Variants in ADORA1 observed in about 807,000 individuals in gnomAD.
ADORA1 encodes adenosine receptor A1.
In ADORA1, 6 loss-of-function variants were observed where a neutral mutation model predicts 19.9. That is an observed-to-expected ratio of 0.30 (90% confidence interval 0.17 to 0.59). ADORA1 has a LOEUF of 0.59. Among genes scored for constraint, ADORA1 ranks in the 20% least tolerant of loss-of-function variants. The pLI, the probability that ADORA1 is intolerant of heterozygous loss-of-function variation, is 0.87. For missense variants in ADORA1, 302 were observed against 439.2 expected, an observed-to-expected ratio of 0.69 and a Z score of 2.79; for synonymous variants, 194 against 188.4, an observed-to-expected ratio of 1.03 and a Z score of -0.24.
At chr1:203,151,765 C>A (rs1655041876) in intron 3 of ADORA1, among the ~76,000 whole-genome samples, 1 of 150,456 alleles carries the variant, frequency 6.6e-6, no homozygotes. Flanking sequence ...GATCTTACCC[C>A]ACAGCACACT....
At chr1:203,135,432 G>C (rs1204538968) in intron 3 of ADORA1, among the ~76,000 whole-genome samples, 1 of 152,156 alleles carries the variant, frequency 6.6e-6, no homozygotes, top group East Asian at 1.9e-4. Flanking sequence ...CCCGAGGCAG[G>C]CAGATCATTT....
chr1:203,152,064 C>T (rs1655055145), intron 3 of ADORA1, among the ~76,000 whole-genome samples: 1 of 152,144 alleles, frequency 6.6e-6, no homozygotes, highest in African/African-American at 2.4e-5. Flanking sequence ...TGACACATTC[C>T]AGAAGAAGGG....
At chr1:203,160,539 G>A (rs185489354) in intron 3 of ADORA1, among the ~76,000 whole-genome samples, 52 of 152,306 alleles carry the variant, frequency 3.4e-4, no homozygotes, top group South Asian at 6.2e-4. Context: ...AGGGCTGGGC[G>A]CAGTGGTGCA....
chr1:203,154,017 G>A (rs1024848292), intron 3 of ADORA1, among the ~76,000 whole-genome samples: 2 of 152,090 alleles, frequency 1.3e-5, no homozygotes, highest in Non-Finnish European at 2.9e-5. Flanking sequence ...TATCCAAACC[G>A]CAGGATGGTG....
chr1:203,156,435 G>T (rs1265823275), intron 3 of ADORA1, among the ~76,000 whole-genome samples: 1 of 152,164 alleles, frequency 6.6e-6, no homozygotes, highest in East Asian at 1.9e-4. Flanking sequence ...GAAGTGCAAA[G>T]CCCCTGAGGT....
chr1:203,164,524 G>T (rs16851020), intron 3 of ADORA1, among the ~76,000 whole-genome samples: 31,772 of 152,084 alleles, frequency 0.21, 4,345 homozygotes, highest in African/African-American at 0.39. Flanking sequence ...TTCCCAGTTA[G>T]CTTGGGAGTG....
intron 3 of ADORA1, among the ~76,000 whole-genome samples, chr1:203,136,019 C>G (rs1397155780): frequency 6.6e-6 from 1 of 152,180 alleles, no homozygotes; most frequent in Non-Finnish European, 1.5e-5. Context: ...GAAGCAGTGT[C>G]CCTGGGAGAG....
At chr1:203,146,301 C>T (rs1160023927) in intron 3 of ADORA1, among the ~76,000 whole-genome samples, 1 of 152,076 alleles carries the variant, frequency 6.6e-6, no homozygotes, top group Non-Finnish European at 1.5e-5. Context: ...TCGCCACTGT[C>T]TTCAGGGAGT....
In ADORA1 at chr1:203,157,224, G is replaced by A. The variant is rs60246406; in HGVS notation, c.342-8037G>A. Among the ~76,000 whole-genome samples the A allele has an allele frequency of 4.6e-5, 7 of 152,314 alleles. No homozygotes were observed. In the East Asian group the frequency reaches 1.3e-3, roughly 29 times the overall value. ...AAGGCAAATTTCCTTCTGGTTGTGA[G>A]CCTATGAAATCAAAACAAGTTACAT... On this transcript the variant is annotated intron_variant, in intron 3 of 3. Coordinates refer to ENST00000337894, the MANE Select transcript of ADORA1 (RefSeq NM_000674.3).
At chr1:203,143,694 T>C (rs867125861) in intron 3 of ADORA1, among the ~76,000 whole-genome samples, 2 of 152,230 alleles carry the variant, frequency 1.3e-5, no homozygotes, top group Non-Finnish European at 2.9e-5. Context: ...TCATTCTCCA[T>C]GGTCCAGACA....
intron 3 of ADORA1, among the ~76,000 whole-genome samples, chr1:203,156,423 AG>A (rs1183228934): frequency 6.6e-6 from 1 of 152,192 alleles, no homozygotes; most frequent in Non-Finnish European, 1.5e-5. Context: ...GGAAATGAAC[AG>A]GAAGTGCAAA....
intron 3 of ADORA1, among the ~76,000 whole-genome samples, chr1:203,133,711 T>A (rs1654416129): frequency 6.6e-6 from 1 of 152,244 alleles, no homozygotes; most frequent in Admixed American, 6.5e-5. Context: ...AGTGGGCAGT[T>A]GAGCCCTTGG....
Position 203,167,310 on chromosome 1 carries a change from C to G in ADORA1, c.*1410C>G, listed in dbSNP as rs1167978238. 6.6e-6 allele frequency: 1 copy of G among 152,254 alleles called. No individual in the cohort carries two copies. Among genetic ancestry groups the G allele is most frequent in the Non-Finnish European group, 1.5e-5 (1 of 68,100 alleles). 9.4% of individuals were successfully genotyped at this position (152,254 alleles called of 1,614,324 possible). ...ACCTTCTGAACATGAGTGTCAACTC[C>G]AGGACTTGCTTCCAAGCCCTTCCCT... On this transcript the variant is annotated 3_prime_UTR_variant, in exon 4 of 4. Transcript: ENST00000337894.
intron 3 of ADORA1, among the ~76,000 whole-genome samples, chr1:203,163,510 TTGG>T (rs949662136): frequency 9.9e-5 from 15 of 152,070 alleles, no homozygotes; most frequent in African/African-American, 3.4e-4. Context: ...TCAAGGCCCC[TTGG>T]TGGTGGTGGT....
At chr1:203,134,998 T>C (rs1346922196) in intron 3 of ADORA1, among the ~76,000 whole-genome samples, 1 of 152,222 alleles carries the variant, frequency 6.6e-6, no homozygotes, top group East Asian at 1.9e-4. Context: ...GGGCTCTCCT[T>C]AGGGGGGCCT....
intron 3 of ADORA1, among the ~76,000 whole-genome samples, chr1:203,153,850 G>A (rs897131539): frequency 6.6e-6 from 1 of 152,210 alleles, no homozygotes; most frequent in Non-Finnish European, 1.5e-5. Flanking sequence ...TAGTCTGAAA[G>A]CCTTACTTTC....
chr1:203,163,179 C>G (rs3766555), intron 3 of ADORA1, among the ~76,000 whole-genome samples: 21 of 152,164 alleles, frequency 1.4e-4, no homozygotes, highest in Middle Eastern at 6.8e-3. Context: ...CTGGAGTTTT[C>G]CAGGTGGCCA....
chr1:203,134,901 T>A (rs1430811526), intron 3 of ADORA1, among the ~76,000 whole-genome samples: 1 of 152,258 alleles, frequency 6.6e-6, no homozygotes, highest in Non-Finnish European at 1.5e-5. Flanking sequence ...CATTTCCCTG[T>A]GTCAACTAAA....
intron 3 of ADORA1, among the ~76,000 whole-genome samples, chr1:203,145,797 G>A (rs1339554434): frequency 6.6e-6 from 1 of 152,224 alleles, no homozygotes; most frequent in African/African-American, 2.4e-5. Flanking sequence ...GAGGGAGGGG[G>A]ATGGATGGAT....
Sources: gnomAD v4.1 joint callset for allele counts (sites outside exome capture counted in the v4.1 genomes callset) on GRCh38, gnomAD v4.1.1 for gene constraint, MANE v1.5 for transcripts, NCBI Gene and HGNC (gene_info 2026-07-23, HGNC 2026-07-21) for gene names.